Variants in IL7R observed in about 807,000 individuals in gnomAD.
The protein encoded by IL7R is interleukin-7 receptor subunit alpha.
IL7R carries 38 observed loss-of-function variants against 47.0 expected under a neutral mutation model. The observed-to-expected ratio is 0.81, with a 90% CI of 0.62 to 1.06. The LOEUF is 1.06. Among genes scored for constraint, IL7R ranks in the 50% least tolerant of loss-of-function variants. The pLI, the probability that IL7R is intolerant of heterozygous loss-of-function variation, is 0.00. For missense variants in IL7R, 633 were observed against 534.8 expected (o/e 1.18, Z -1.81); for synonymous variants, 221 against 199.8 (o/e 1.11, Z -0.89).
At chr5:35,873,368 C>A (rs965992478) in intron 4 of IL7R, 112 bp from the exon 5 acceptor site, 23 of 914,574 alleles carry the variant, frequency 2.5e-5, no homozygotes, top group Non-Finnish European at 3.4e-5. Context: ...AAATACGAGA[C>A]AACTTCAGAG....
rs1349991152 is a variant in IL7R, at chr5:35,860,886, A to T, written c.117A>T (p.Ser39=). The T allele has an allele frequency of 1.2e-6, 2 of 1,613,646 alleles. No individual in the cohort carries two copies. Among genetic ancestry groups the T allele is most frequent in the South Asian group, 2.2e-5 (2 of 91,068 alleles). The part of the protein sequence containing the change: ...DLEDAELDDY[S]FSCYSQLEVN... Reference sequence around the variant, plus strand: ...AAGATGCAGAACTGGATGACTACTCATTCTCATGCTATAGCCAGTTGGAAG... The same window carrying T: ...AAGATGCAGAACTGGATGACTACTCTTTCTCATGCTATAGCCAGTTGGAAG... Residue 39 remains serine (S), a synonymous_variant, in exon 2 of 8, where the codon TCA becomes TCT. Transcript: ENST00000303115.
chr5:35,867,382 T>C lies in IL7R; in HGVS notation c.298T>C (p.Leu100=), dbSNP rs1259127614. The C allele has an allele frequency of 3.1e-6, 5 of 1,613,550 alleles. No individual in the cohort carries two copies. The South Asian group carries it at 5.5e-5, about 18-fold the overall frequency. Residue 100 remains leucine (L), a synonymous_variant, in exon 3 of 8, where the codon TTA becomes CTA. Transcript: ENST00000303115. ...EIYFIETKKF[L]LIGKSNICVK... is the part of the protein sequence containing the mutation. ...ATATTTCATCGAGACAAAGAAATTC[T>C]TACTGATTGGAAAGAGCAATATATG...
intron 2 of IL7R, among the ~76,000 whole-genome samples, chr5:35,863,021 C>A (rs981928740): frequency 6.6e-6 from 1 of 151,962 alleles, no homozygotes; most frequent in African/African-American, 2.4e-5. Flanking sequence ...CCCAAAAATT[C>A]GGTTTTTATT....
chr5:35,867,661 A>C (rs1028220048), intron 3 of IL7R, 198 bp downstream of exon 3: 2 of 651,188 alleles, frequency 3.1e-6, no homozygotes, highest in Non-Finnish European at 2.7e-6. Flanking sequence ...AATTCTGAGG[A>C]TCTTCAAACC....
Position 35,873,552 on chromosome 5 carries a change from A to G in IL7R, c.610A>G (p.Lys204Glu). Residue 204 changes from lysine (K) to glutamate (E), a missense_variant, in exon 5 of 8, where the codon AAA (lysine) becomes GAA (glutamate). Transcript: ENST00000303115. ...CCAACCGGCAGCAATGTATGAGATT[A>G]AAGTTCGATCCATCCCTGATCACTA... ...KLQPAAMYEIKVRSIPDHYFK... is the reference protein window; with the variant it reads ...KLQPAAMYEIEVRSIPDHYFK... 3.1e-6 allele frequency: 5 copies of G among 1,613,974 alleles called. No individual in the cohort carries two copies. The highest frequency in any genetic ancestry group is 4.2e-6 in the Non-Finnish European group (5 of 1,179,848).
At chr5:35,869,090 C>T (rs1052657313) in intron 3 of IL7R, among the ~76,000 whole-genome samples, 2 of 152,132 alleles carry the variant, frequency 1.3e-5, no homozygotes, top group African/African-American at 4.8e-5. Flanking sequence ...GGTAGCATCT[C>T]CTTCTAGGTC....
At chr5:35,873,101 G>T (rs760631796) in intron 4 of IL7R, 8 of 249,756 alleles carry the variant, frequency 3.2e-5, no homozygotes, top group Non-Finnish European at 5.5e-5. Context: ...GTAAAATGGC[G>T]TCTTTCTGGA....
chr5:35,873,624 A>C lies in IL7R; in HGVS notation c.682A>C (p.Thr228Pro), dbSNP rs762736419. The C allele has an allele frequency of 6.6e-5, 107 of 1,613,890 alleles. No individual in the cohort carries two copies. The highest frequency in any genetic ancestry group is 8.8e-5 in the Non-Finnish European group (104 of 1,179,900). Residue 228 changes from threonine to proline, a missense_variant, in exon 5 of 8, where the codon ACT (threonine) becomes CCT (proline). Thr to Pro is a conservative substitution (Grantham distance 38, BLOSUM62 -1). Coordinates refer to ENST00000303115, the MANE Select transcript of IL7R (RefSeq NM_002185.5). Reference sequence around the variant, plus strand: ...ATGGAGTCCAAGTTATTACTTCAGAACTCCAGAGATCAATAATAGCTCAGG... The same window carrying C: ...ATGGAGTCCAAGTTATTACTTCAGACCTCCAGAGATCAATAATAGCTCAGG... Reference protein sequence around the residue: ...SEWSPSYYFRTPEINNSSGEM... With the variant: ...SEWSPSYYFRPPEINNSSGEM...
chr5:35,862,739 C>T (rs7717955), intron 2 of IL7R, among the ~76,000 whole-genome samples: 34,925 of 151,936 alleles, frequency 0.23, 4,295 homozygotes, highest in Non-Finnish European at 0.27. Context: ...CCTTAAATTC[C>T]CAACAGTACC....
intron 2 of IL7R, among the ~76,000 whole-genome samples, chr5:35,864,319 T>G (rs962444636): frequency 1.3e-5 from 2 of 152,146 alleles, no homozygotes; most frequent in Non-Finnish European, 2.9e-5. Flanking sequence ...CTATTATTTT[T>G]TAGGTTGCTG....
intron 1 of IL7R, among the ~76,000 whole-genome samples, chr5:35,857,365 G>C (rs1052595717): frequency 1.3e-5 from 2 of 152,086 alleles, no homozygotes; most frequent in Non-Finnish European, 2.9e-5. Flanking sequence ...TGCTATGACT[G>C]TACTTGTAGG....
At chr5:35,873,223 C>CAGTG (rs1208715603) in intron 4 of IL7R, 2 of 514,212 alleles carry the variant, frequency 3.9e-6, no homozygotes, top group Admixed American at 6.4e-5. Flanking sequence ...AGATCCTGGG[C>CAGTG]AGTGCCTAAC....
intron 4 of IL7R, among the ~76,000 whole-genome samples, chr5:35,872,111 A>C (rs1760086488): frequency 1.3e-5 from 2 of 152,200 alleles, no homozygotes; most frequent in South Asian, 4.1e-4. Context: ...GCACCAATTG[A>C]AAAGCAACTT....
In IL7R at chr5:35,871,148, A is replaced by C; in HGVS notation, c.472A>C (p.Lys158Gln). The C allele has an allele frequency of 1.2e-6, 2 of 1,612,864 alleles. No individual in the cohort carries two copies. The highest frequency in any genetic ancestry group is 1.7e-6 in the Non-Finnish European group (2 of 1,178,852). ...ATTTAATACATCACACTTGCAAAAG[A>C]AGTATGTAAAAGTTTTAATGCACGA... ...VTFNTSHLQK[K>Q]YVKVLMHDVA... Residue 158 changes from lysine (K) to glutamine (Q), a missense_variant, in exon 4 of 8, where the codon AAG (lysine) becomes CAG (glutamine). By Grantham distance (53) the Lys-to-Gln change is moderately conservative. Transcript: ENST00000303115.
intron 1 of IL7R, among the ~76,000 whole-genome samples, chr5:35,859,967 A>G (rs931900412): frequency 2.4e-4 from 36 of 152,000 alleles, no homozygotes; most frequent in African/African-American, 8.7e-4. Context: ...TCTATCATGT[A>G]AAACATACAT....
chr5:35,868,415 G>A (rs1336399128), intron 3 of IL7R, among the ~76,000 whole-genome samples: 1 of 152,190 alleles, frequency 6.6e-6, no homozygotes, highest in Non-Finnish European at 1.5e-5. Context: ...AAAATAGAGA[G>A]GTAAAGCAGA....
chr5:35,872,573 T>C (rs1760097139), intron 4 of IL7R, among the ~76,000 whole-genome samples: 1 of 152,128 alleles, frequency 6.6e-6, no homozygotes, highest in Non-Finnish European at 1.5e-5. Context: ...TACCAGATGA[T>C]TTAAGGAAAT....
intron 7 of IL7R, 110 bp downstream of exon 7, chr5:35,875,697 T>A (rs1323923188): frequency 1.1e-6 from 1 of 897,314 alleles, no homozygotes; most frequent in Non-Finnish European, 1.9e-6. Flanking sequence ...ATTTGATTCA[T>A]CCTGTAACTA....
intron 2 of IL7R, among the ~76,000 whole-genome samples, chr5:35,866,272 CT>C (rs1759937281): frequency 1.3e-5 from 2 of 152,110 alleles, no homozygotes; most frequent in Admixed American, 1.3e-4. Flanking sequence ...ATGTGCCCTA[CT>C]TTATAATTAT....
Sources: allele counts gnomAD v4.1 joint callset (sites outside exome capture counted in the v4.1 genomes callset), GRCh38; gene constraint gnomAD v4.1.1; transcripts MANE v1.5; gene names NCBI Gene and HGNC (gene_info 2026-07-23, HGNC 2026-07-21).